The following TG variants were observed in gnomAD, a reference collection of about 807,000 sequenced individuals.
TG encodes thyroglobulin.
Under a neutral mutation model 324.7 loss-of-function variants are expected in TG, and 270 were observed. That is an observed-to-expected ratio of 0.83 (90% CI 0.75 to 0.92). TG has a LOEUF of 0.92. Ranked by LOEUF, TG falls within the 40% of genes least tolerant of loss-of-function variation. The probability of loss-of-function intolerance (pLI) is 0.00; values close to 1 mark genes in which losing one functional copy is unlikely to be tolerated. For synonymous variants in TG, 1,401 were observed against 1,327.0 expected (o/e 1.06, Z -1.21); for missense variants, 3,591 against 3,456.4 (o/e 1.04, Z -0.98).
chr8:132,984,863 A>C (rs1831321571), intron 35 of TG, among the ~76,000 whole-genome samples: 1 of 151,736 alleles, frequency 6.6e-6, no homozygotes. Flanking sequence ...AATCTCTTGA[A>C]CCCAGGAGGC....
chr8:132,901,179 C>T (rs1817870592), intron 15 of TG, among the ~76,000 whole-genome samples, 174 bp from the exon 16 acceptor site: 2 of 152,246 alleles, frequency 1.3e-5, no homozygotes, highest in Non-Finnish European at 2.9e-5. Context: ...GAGCCAGGTC[C>T]AGTGTTTGCC....
chr8:133,077,561 C>A (rs887013607), intron 41 of TG, among the ~76,000 whole-genome samples: 3 of 152,146 alleles, frequency 2.0e-5, no homozygotes, highest in Non-Finnish European at 4.4e-5. Flanking sequence ...TGTGCCAGAG[C>A]AGGGGGATGG....
chr8:132,956,376 A>T (rs1826866767), intron 27 of TG, among the ~76,000 whole-genome samples: 2 of 152,176 alleles, frequency 1.3e-5, no homozygotes, highest in South Asian at 4.1e-4. Context: ...TGTATCCAGG[A>T]ATCTGGACAG....
intron 37 of TG, among the ~76,000 whole-genome samples, chr8:133,016,528 C>A (rs1835044120): frequency 6.6e-6 from 1 of 152,210 alleles, no homozygotes; most frequent in Non-Finnish European, 1.5e-5. Flanking sequence ...TATCTGCCTC[C>A]TCTCCCCACT....
chr8:133,007,282 CAA>C (rs1364638734), intron 35 of TG, among the ~76,000 whole-genome samples: 3 of 151,966 alleles, frequency 2.0e-5, no homozygotes, highest in Middle Eastern at 3.4e-3. Flanking sequence ...GAAGAAAACA[CAA>C]GAGTTGACTT....
At chr8:132,922,616 C>A (rs891629040) in intron 21 of TG, among the ~76,000 whole-genome samples, 1 of 152,188 alleles carries the variant, frequency 6.6e-6, no homozygotes, top group East Asian at 1.9e-4. Context: ...TAAGAAAATA[C>A]CATAAACTGG....
intron 41 of TG, among the ~76,000 whole-genome samples, chr8:133,070,020 A>C (rs1843736533): frequency 1.0e-5 from 1 of 95,468 alleles, no homozygotes; most frequent in Non-Finnish European, 2.6e-5. Flanking sequence ...AAAAAAAAAA[A>C]AAAAAAGAAA....
At chr8:132,907,345 C>T (rs576556818) in intron 17 of TG, among the ~76,000 whole-genome samples, 3 of 152,324 alleles carry the variant, frequency 2.0e-5, no homozygotes, top group South Asian at 2.1e-4. Context: ...TAATGCCTGG[C>T]TTAGCAGGAG....
intron 5 of TG, among the ~76,000 whole-genome samples, chr8:132,877,148 T>C (rs1813929200): frequency 6.6e-6 from 1 of 152,098 alleles, no homozygotes; most frequent in African/African-American, 2.4e-5. Context: ...TTTTATTTTA[T>C]TTTATTTTTG....
chr8:133,104,890 A>G (rs1849662384), intron 43 of TG, among the ~76,000 whole-genome samples: 1 of 152,188 alleles, frequency 6.6e-6, no homozygotes, highest in African/African-American at 2.4e-5. Flanking sequence ...CTCATTCACC[A>G]GCTGACCCCA....
chr8:132,997,758 G>A (rs1358409226), intron 35 of TG, among the ~76,000 whole-genome samples: 5 of 152,226 alleles, frequency 3.3e-5, no homozygotes, highest in African/African-American at 1.2e-4. Context: ...ATGAAAGTAA[G>A]AGAACAAGAT....
chr8:132,903,058 C>T (rs1029620049), intron 16 of TG, among the ~76,000 whole-genome samples: 16 of 152,150 alleles, frequency 1.1e-4, no homozygotes, highest in Admixed American at 3.3e-4. Context: ...GGATTTAACC[C>T]GGAGTCCTGC....
At chr8:133,011,541 A>G (rs1027328944) in intron 35 of TG, among the ~76,000 whole-genome samples, 1 of 152,184 alleles carries the variant, frequency 6.6e-6, no homozygotes, top group African/African-American at 2.4e-5. Context: ...TGTTAGTATC[A>G]TTACCTCATA....
At chr8:132,990,158 T>TTATATATA (rs10536232) in intron 35 of TG, among the ~76,000 whole-genome samples, 1,691 of 141,638 alleles carry the variant, frequency 0.012, 20 homozygotes, top group African/African-American at 0.028. Context: ...AGCTATACAA[T>TTATATATA]TATATATATA....
At chr8:132,875,091 C>G (rs1839838547) in intron 5 of TG, among the ~76,000 whole-genome samples, 1 of 152,184 alleles carries the variant, frequency 6.6e-6, no homozygotes, top group Non-Finnish European at 1.5e-5. Flanking sequence ...AGCCCCTGCT[C>G]ATTACACCAT....
intron 27 of TG, among the ~76,000 whole-genome samples, chr8:132,958,365 ATCTATCTATCT>A (rs1827240434): frequency 1.2e-4 from 1 of 8,678 alleles, no homozygotes; most frequent in African/African-American, 1.1e-3. Context: ...CTGTCTATCT[ATCTATCTATCT>A]ATCTATCTAT....
At chr8:132,968,417 A>G (rs1322441617) in intron 31 of TG, among the ~76,000 whole-genome samples, 8 of 152,216 alleles carry the variant, frequency 5.3e-5, no homozygotes. Flanking sequence ...TGTATATTAC[A>G]AGGAATGTCA....
Position 133,030,006 on chromosome 8 carries a change from C to T in TG, c.7222C>T (p.Arg2408Trp), listed in dbSNP as rs778434193. 24 of 1,614,076 alleles carry T rather than the reference C, an allele frequency of 1.5e-5. No individual in the cohort carries two copies. Among genetic ancestry groups the T allele is most frequent in the East Asian group, 6.7e-5 (3 of 44,882 alleles). Residue 2408 changes from arginine to tryptophan, a missense_variant, in exon 41 of 48, where the codon CGG becomes TGG. Coordinates refer to ENST00000220616, the MANE Select transcript of TG (RefSeq NM_003235.5). ...CAGGGCCACCAACTCCCAACTTTTC[C>T]GGAGAGCTGTGCTGATGGTAAGTGG... ...TARATNSQLF[R>W]RAVLMGGSAL...
intron 42 of TG, 141 bp downstream of exon 42, chr8:133,095,349 C>A (rs1023861129): frequency 1.7e-6 from 2 of 1,159,684 alleles, no homozygotes; most frequent in Non-Finnish European, 2.5e-6. Flanking sequence ...AACTCACATT[C>A]CCTAGCCCCT....
Sources: gnomAD v4.1 joint callset for allele counts (sites outside exome capture counted in the v4.1 genomes callset) on GRCh38, gnomAD v4.1.1 for gene constraint, MANE v1.5 for transcripts, NCBI Gene and HGNC (gene_info 2026-07-23, HGNC 2026-07-21) for gene names.